The following ADAM19 variants were observed in gnomAD, a reference collection of about 807,000 sequenced individuals.
The protein encoded by ADAM19 is disintegrin and metalloproteinase domain-containing protein 19.
A neutral mutation model predicts 114.7 loss-of-function variants in ADAM19; 65 were observed. The ratio of observed to expected loss-of-function variants is 0.57; its 90% CI spans 0.46 to 0.70. The LOEUF (loss-of-function observed/expected upper bound fraction) is 0.70. ADAM19 is among the 30% of genes least tolerant of loss of function. The pLI, the probability that ADAM19 is intolerant of heterozygous loss-of-function variation, is 0.00. For missense variants in ADAM19, 1,063 were observed against 1,204.7 expected (o/e 0.88, Z 1.74); for synonymous variants, 466 against 460.5 (o/e 1.01, Z -0.15).
chr5:157,528,170 G>A (rs949150171), intron 5 of ADAM19, among the ~76,000 whole-genome samples: 1 of 152,206 alleles, frequency 6.6e-6, no homozygotes. Flanking sequence ...GAACCATCTG[G>A]CATGAGTCTC....
intron 12 of ADAM19, among the ~76,000 whole-genome samples, chr5:157,501,680 G>A (rs1177874301): frequency 6.6e-6 from 1 of 151,198 alleles, no homozygotes; most frequent in African/African-American, 2.4e-5. Context: ...CATGGTGGTG[G>A]GGGTGGCATC....
chr5:157,564,235 A>C (rs939731202), intron 3 of ADAM19, 138 bp downstream of exon 3: 2 of 738,916 alleles, frequency 2.7e-6, no homozygotes, highest in African/African-American at 1.7e-5. Context: ...GCTTTGCAAG[A>C]TGCTGCCTGA....
At chr5:157,489,378 T>C (rs993626772) in intron 19 of ADAM19, among the ~76,000 whole-genome samples, 192 bp from the exon 20 acceptor site, 1 of 152,166 alleles carries the variant, frequency 6.6e-6, no homozygotes, top group Non-Finnish European at 1.5e-5. Context: ...TGGAGAACTC[T>C]CAAGGAAACA....
chr5:157,485,385 G>C (rs987280725), intron 21 of ADAM19, among the ~76,000 whole-genome samples: 1 of 152,170 alleles, frequency 6.6e-6, no homozygotes, highest in African/African-American at 2.4e-5. Flanking sequence ...AATACACTAA[G>C]TAATCCCCAT....
intron 5 of ADAM19, among the ~76,000 whole-genome samples, chr5:157,526,795 A>G (rs1756477428): frequency 6.6e-6 from 1 of 151,884 alleles, no homozygotes; most frequent in African/African-American, 2.4e-5. Context: ...TAATTTTTAA[A>G]TTTTTAGTGG....
In ADAM19 at chr5:157,507,044, G is replaced by A. The variant is rs1755765386; in HGVS notation, c.990+12C>T. 1 of 1,613,086 alleles carries A rather than the reference G, an allele frequency of 6.2e-7. No homozygotes were observed. Among genetic ancestry groups the A allele is most frequent in the South Asian group, 1.1e-5 (1 of 91,056 alleles). On this transcript the variant is annotated intron_variant, in intron 10 of 22. Transcript: ENST00000257527. Reference sequence around the variant, plus strand: ...CGCCTTCTGCAGCGCACACACACGGGCTGAGACTCACCATGTTGACTCCTC... The same window carrying A: ...CGCCTTCTGCAGCGCACACACACGGACTGAGACTCACCATGTTGACTCCTC...
rs1303178763 is a variant in ADAM19 at position 157,478,905 on chromosome 5, G to C, written c.*2044C>G. 4 of 985,626 alleles carry C rather than the reference G, an allele frequency of 4.1e-6. No homozygotes were observed. Among genetic ancestry groups the C allele is most frequent in the Non-Finnish European group, 2.4e-6 (2 of 829,956 alleles). The allele number at this position is 985,626 out of a possible 1,614,324, so 61.1% of individuals were successfully genotyped here. A position where few individuals can be genotyped will look rare whatever the true frequency, so the allele number is the denominator to read the frequency against. On this transcript the variant is annotated 3_prime_UTR_variant, in exon 23 of 23. Coordinates refer to ENST00000257527, the MANE Select transcript of ADAM19 (RefSeq NM_033274.5). ...GTCATTTCAGAGCTATCTACCTCCT[G>C]ATGTGAGGGAGAAAGGCTGGAGAAG... is the stretch of plus-strand genomic sequence containing the variant.
chr5:157,570,546 C>T (rs529501716), intron 2 of ADAM19: 77 of 178,324 alleles, frequency 4.3e-4, no homozygotes, highest in African/African-American at 1.7e-3. Context: ...ATTATTCCTT[C>T]AAGAAAATGA....
chr5:157,533,371 G>A (rs528092604), intron 4 of ADAM19, among the ~76,000 whole-genome samples: 5 of 152,318 alleles, frequency 3.3e-5, no homozygotes, highest in East Asian at 1.9e-4. Flanking sequence ...GAAAGAAGGC[G>A]TGGCAGGCAA....
At chr5:157,548,328 G>A (rs1757102602) in intron 3 of ADAM19, among the ~76,000 whole-genome samples, 2 of 152,194 alleles carry the variant, frequency 1.3e-5, no homozygotes, top group South Asian at 4.1e-4. Flanking sequence ...TGATGGCAGA[G>A]ACTATTCTGA....
At chr5:157,573,184 T>TA (rs1757878368) in intron 1 of ADAM19, among the ~76,000 whole-genome samples, 1 of 152,174 alleles carries the variant, frequency 6.6e-6, no homozygotes, top group Non-Finnish European at 1.5e-5. Context: ...GAAAGCAATC[T>TA]AAAATCTCAC....
intron 12 of ADAM19, among the ~76,000 whole-genome samples, 186 bp from the exon 13 acceptor site, chr5:157,499,848 G>C (rs1755502407): frequency 6.7e-6 from 1 of 148,528 alleles, no homozygotes; most frequent in Non-Finnish European, 1.5e-5. Flanking sequence ...GCAATATCTC[G>C]GGTCACTGCA....
rs1159570615 is a variant in ADAM19, at chr5:157,528,131, G to A, written c.407+2676C>T. Among the ~76,000 whole-genome samples, 3 of 152,226 alleles carry A rather than the reference G, an allele frequency of 2.0e-5. No individual in the cohort carries two copies. The East Asian group carries it at 5.8e-4, about 29-fold the overall frequency. On this transcript the variant is annotated intron_variant, in intron 5 of 22. Transcript: ENST00000257527. Reference sequence around the variant, plus strand: ...CATGGGTTTGAATGTTGCTGCTGTTGCAGCTGCTCCTTCTCCAGGGTTCAA... The same window carrying A: ...CATGGGTTTGAATGTTGCTGCTGTTACAGCTGCTCCTTCTCCAGGGTTCAA...
At position 157,530,941 on chromosome 5, in the gene ADAM19, A is replaced by C. The variant is rs1056214715; in HGVS notation, c.331-58T>G. On this transcript the variant is annotated intron_variant, in intron 4 of 22. Transcript: ENST00000257527. Reference sequence around the variant, plus strand: ...GAACACTGATAAGCATGGCAATGTTAATATCTCAGGATGGTCATGGATGAC... The same window carrying C: ...GAACACTGATAAGCATGGCAATGTTCATATCTCAGGATGGTCATGGATGAC... The C allele has an allele frequency of 4.2e-6, 6 of 1,431,676 alleles. No homozygotes were observed. The Admixed American group carries it at 8.4e-5, about 20-fold the overall frequency. The allele number at this position is 1,431,676 out of a possible 1,614,324, so 88.7% of individuals were successfully genotyped here.
intron 1 of ADAM19, among the ~76,000 whole-genome samples, chr5:157,573,164 A>G: frequency 6.6e-6 from 1 of 152,244 alleles, no homozygotes; most frequent in African/African-American, 2.4e-5. Context: ...TACGATTGTA[A>G]AAAAATAGTG....
intron 5 of ADAM19, among the ~76,000 whole-genome samples, chr5:157,528,720 C>A (rs369203330): frequency 2.6e-5 from 4 of 152,164 alleles, no homozygotes; most frequent in Non-Finnish European, 1.5e-5. Flanking sequence ...TAGGAGCCTG[C>A]ATAAGTCTTA....
Position 157,496,891 on chromosome 5 carries a change from T to C in ADAM19, c.1594+3A>G. On this transcript the variant is annotated splice_donor_region_variant and intron_variant, in intron 14 of 22. Transcript: ENST00000257527. ...AGAGCCGTGCTCCCCAGGAGAGCCT[T>C]ACCGGGTCCCCACAGCTGCTGGCAC... The C allele has an allele frequency of 6.4e-7, 1 of 1,569,542 alleles. No homozygotes were observed. The highest frequency in any genetic ancestry group is 8.6e-7 in the Non-Finnish European group (1 of 1,160,024).
Position 157,538,084 on chromosome 5 carries a change from T to C in ADAM19, c.252-93A>G, listed in dbSNP as rs368127569. On this transcript the variant is annotated intron_variant, in intron 3 of 22. Coordinates refer to ENST00000257527, the MANE Select transcript of ADAM19 (RefSeq NM_033274.5). ...TGATTTTAACTGAACCAGGCAGGAC[T>C]ATCCCAAGCATCTCCATACAAAAGA... 441 of 1,005,354 alleles carry C rather than the reference T, an allele frequency of 4.4e-4. No homozygotes were observed. In the African/African-American group the frequency reaches 6.6e-3, roughly 15 times the overall value. The allele number at this position is 1,005,354 out of a possible 1,614,324, so 62.3% of individuals were successfully genotyped here.
intron 7 of ADAM19, among the ~76,000 whole-genome samples, chr5:157,517,282 C>A (rs1223515540): frequency 6.6e-6 from 1 of 152,210 alleles, no homozygotes; most frequent in Non-Finnish European, 1.5e-5. Flanking sequence ...GGTAGCTAAA[C>A]TATGTGGATG....
Sources: gnomAD v4.1 joint callset for allele counts (sites outside exome capture counted in the v4.1 genomes callset) on GRCh38, gnomAD v4.1.1 for gene constraint, MANE v1.5 for transcripts, NCBI Gene and HGNC (gene_info 2026-07-23, HGNC 2026-07-21) for gene names.